Variants in PTCHD1 observed in about 807,000 individuals in gnomAD.
The protein encoded by PTCHD1 is patched domain containing 1.
In PTCHD1, 3 loss-of-function variants were observed where a neutral mutation model predicts 34.6. The observed-to-expected ratio is 0.09, with a 90% CI of 0.04 to 0.22. The LOEUF is 0.22. Among genes scored for constraint, PTCHD1 ranks in the 10% least tolerant of loss-of-function variants. The pLI, the probability that PTCHD1 is intolerant of heterozygous loss-of-function variation, is 1.00. For missense variants in PTCHD1, 504 were observed against 685.5 expected, an observed-to-expected ratio of 0.74 and a Z score of 2.96; for synonymous variants, 305 against 283.1, an observed-to-expected ratio of 1.08 and a Z score of -0.77.
At chrX:23,355,196 C>T (rs1312776522) in intron 1 of PTCHD1, among the ~76,000 whole-genome samples, 1 of 110,440 alleles carries the variant, frequency 9.1e-6, no homozygotes, top group Non-Finnish European at 1.9e-5. Flanking sequence ...CCTGTGAGTG[C>T]GCACCCTACC....
At chrX:23,371,254 C>A (rs775630522) in intron 1 of PTCHD1, among the ~76,000 whole-genome samples, 8 of 111,643 alleles carry the variant, frequency 7.2e-5, no homozygotes, top group Non-Finnish European at 1.3e-4. Context: ...TTGGACCTCC[C>A]CCAGAAGCTA....
rs904058632 is a variant in PTCHD1 at position 23,394,637 on chromosome X, T to C, written c.*452T>C. On this transcript the variant is annotated 3_prime_UTR_variant, in exon 3 of 3. Coordinates refer to ENST00000379361, the MANE Select transcript of PTCHD1 (RefSeq NM_173495.3). The stretch of plus-strand genomic sequence containing the variant: ...CAAACAATAAGGCTTCCAGAACTTC[T>C]GTAGAGCAGTAGCTCCAGTCATGGT... 1 of 124,385 alleles carries C rather than the reference T, an allele frequency of 8.0e-6. No individual in the cohort carries two copies. Among genetic ancestry groups the C allele is most frequent in the African/African-American group, 3.2e-5 (1 of 31,142 alleles). The allele number at this position is 124,385 out of a possible 1,213,427, so 10.3% of individuals were successfully genotyped here.
At chrX:23,360,679 G>A (rs1455209540) in intron 1 of PTCHD1, among the ~76,000 whole-genome samples, 5 of 110,872 alleles carry the variant, frequency 4.5e-5, no homozygotes, top group Admixed American at 9.6e-5. Context: ...GTTATTTCTT[G>A]CCTTCTGCTA....
At chrX:23,347,143 G>T (rs898055141) in intron 1 of PTCHD1, among the ~76,000 whole-genome samples, 2 of 111,582 alleles carry the variant, frequency 1.8e-5, no homozygotes, top group Non-Finnish European at 3.8e-5. Context: ...AAGAGTTGGT[G>T]GGGGGAGAGT....
intron 1 of PTCHD1, among the ~76,000 whole-genome samples, chrX:23,372,490 CAT>C (rs1922307793): frequency 9.0e-6 from 1 of 111,139 alleles, no homozygotes; most frequent in East Asian, 2.8e-4. Context: ...ATCTCTAAGT[CAT>C]GTGGTCAGCA....
chrX:23,365,831 G>C (rs1922126072), intron 1 of PTCHD1, among the ~76,000 whole-genome samples: 1 of 112,401 alleles, frequency 8.9e-6, no homozygotes, highest in South Asian at 3.7e-4. Context: ...GAGGATATGA[G>C]CAGGGTGCCA....
At chrX:23,381,191 G>A (rs181344915) in intron 2 of PTCHD1, among the ~76,000 whole-genome samples, 45 of 112,356 alleles carry the variant, frequency 4.0e-4, no homozygotes, top group African/African-American at 1.3e-3. Context: ...TGGTGACAGC[G>A]TGCTTCCAGT....
intron 1 of PTCHD1, among the ~76,000 whole-genome samples, chrX:23,374,280 CAAAAAAAAAAAAAAAAAA>C (rs752214252): frequency 2.0e-4 from 5 of 24,543 alleles, no homozygotes; most frequent in East Asian, 8.9e-3. Flanking sequence ...GAAACAAATA[CAAAAAAAAAAAAAAAAAA>C]AAAAAAAAAA....
chrX:23,338,973 T>C (rs1227138365), intron 1 of PTCHD1, among the ~76,000 whole-genome samples: 1 of 111,659 alleles, frequency 9.0e-6, no homozygotes, highest in Non-Finnish European at 1.9e-5. Context: ...ATTAACAATA[T>C]ACAAGGATAG....
intron 2 of PTCHD1, among the ~76,000 whole-genome samples, chrX:23,390,366 C>A (rs994689206): frequency 1.9e-5 from 2 of 107,534 alleles, no homozygotes; most frequent in Non-Finnish European, 1.9e-5. Context: ...AATATTATTT[C>A]TTCAGGGACA....
chrX:23,367,444 A>C (rs1000239524), intron 1 of PTCHD1, among the ~76,000 whole-genome samples: 3 of 111,999 alleles, frequency 2.7e-5, no homozygotes, highest in Non-Finnish European at 5.6e-5. Flanking sequence ...ACATGAAAGC[A>C]ATCTTTGCTC....
intron 1 of PTCHD1, among the ~76,000 whole-genome samples, chrX:23,342,322 TTTTTTTTTTTA>T (rs758179255): frequency 0.094 from 4,970 of 52,830 alleles, 262 homozygotes; most frequent in East Asian, 0.34. Flanking sequence ...TTTTTTTTTT[TTTTTTTTTTTA>T]AAAGAATTGG....
At chrX:23,362,865 T>C (rs1190614660) in intron 1 of PTCHD1, among the ~76,000 whole-genome samples, 1 of 112,721 alleles carries the variant, frequency 8.9e-6, no homozygotes, top group Non-Finnish European at 1.9e-5. Context: ...GTTTGTTAGT[T>C]TTCCTTCTAA....
At chrX:23,372,746 A>G (rs1922312774) in intron 1 of PTCHD1, among the ~76,000 whole-genome samples, 1 of 112,008 alleles carries the variant, frequency 8.9e-6, no homozygotes. Flanking sequence ...CAGCTTTAAC[A>G]TTCTCCTGTT....
intron 1 of PTCHD1, among the ~76,000 whole-genome samples, chrX:23,337,440 T>G (rs1338678163): frequency 8.9e-6 from 1 of 111,790 alleles, no homozygotes; most frequent in Non-Finnish European, 1.9e-5. Context: ...CAGCCCCTAC[T>G]TTTGGTAGAT....
At chrX:23,387,502 T>C (rs941462941) in intron 2 of PTCHD1, among the ~76,000 whole-genome samples, 22 of 112,466 alleles carry the variant, frequency 2.0e-4, no homozygotes, top group African/African-American at 6.8e-4. Context: ...CTTTTGAGAA[T>C]AAGAAAAATT....
At chrX:23,377,575 GGTGTGTGTGTGTGTGTGT>G (rs748957859) in intron 1 of PTCHD1, among the ~76,000 whole-genome samples, 144 of 90,525 alleles carry the variant, frequency 1.6e-3, no homozygotes, top group African/African-American at 5.6e-3. Context: ...GCCTCCTAGG[GGTGTGTGTGTGTGTGTGT>G]GTGTGTGTGT....
intron 1 of PTCHD1, among the ~76,000 whole-genome samples, chrX:23,340,291 C>T (rs1921270650): frequency 8.9e-6 from 1 of 112,022 alleles, no homozygotes; most frequent in South Asian, 3.7e-4. Flanking sequence ...GAGCAGAGAC[C>T]AGATTTTCCA....
rs1437565516 is a variant in PTCHD1, at chrX:23,399,456, C to A, written c.*5271C>A. 1 of 111,125 alleles carries A rather than the reference C, an allele frequency of 9.0e-6. No individual in the cohort carries two copies. The highest frequency in any genetic ancestry group is 3.9e-4 in the South Asian group (1 of 2,577). The allele number at this position is 111,125 out of a possible 1,213,427, so 9.2% of individuals were successfully genotyped here. A position where few individuals can be genotyped will look rare whatever the true frequency, so the allele number is the denominator to read the frequency against. On this transcript the variant is annotated 3_prime_UTR_variant, in exon 3 of 3. Coordinates refer to ENST00000379361, the MANE Select transcript of PTCHD1 (RefSeq NM_173495.3). ...TTTCCTAAACTGAGGGCTCAGATTC[C>A]AAAAGAGGTCTATGACCGAAAAAGG...
Sources: gnomAD v4.1 joint callset for allele counts (sites outside exome capture counted in the v4.1 genomes callset) on GRCh38, gnomAD v4.1.1 for gene constraint, MANE v1.5 for transcripts, NCBI Gene and HGNC (gene_info 2026-07-23, HGNC 2026-07-21) for gene names.